The following MAGI1 variants were observed in gnomAD, a reference collection of about 807,000 sequenced individuals.
MAGI1 encodes membrane-associated guanylate kinase, WW and PDZ domain-containing protein 1.
Under a neutral mutation model 139.9 loss-of-function variants are expected in MAGI1, and 58 were observed. The observed-to-expected ratio is 0.41, with a 90% CI of 0.34 to 0.52. MAGI1 has a LOEUF of 0.52. MAGI1 is among the 20% of genes least tolerant of loss of function. MAGI1 has a pLI of 0.12. For missense variants in MAGI1, 1,874 were observed against 1,901.6 expected, an observed-to-expected ratio of 0.99 and a Z score of 0.27; for synonymous variants, 812 against 737.9, an observed-to-expected ratio of 1.10 and a Z score of -1.63.
At chr3:65,492,880 G>A (rs181127471) in intron 3 of MAGI1, among the ~76,000 whole-genome samples, 2 of 151,746 alleles carry the variant, frequency 1.3e-5, no homozygotes, top group Non-Finnish European at 2.9e-5. Flanking sequence ...AGATCGAGAC[G>A]ATCCTGGCTA....
chr3:66,027,100 T>C (rs1389928968), intron 1 of MAGI1, among the ~76,000 whole-genome samples: 3 of 151,636 alleles, frequency 2.0e-5, no homozygotes, highest in African/African-American at 7.3e-5. Flanking sequence ...AAACCCCATC[T>C]CTACTAAAAA....
chr3:65,682,887 G>C (rs1433205888), intron 1 of MAGI1, among the ~76,000 whole-genome samples: 2 of 152,116 alleles, frequency 1.3e-5, no homozygotes, highest in Non-Finnish European at 2.9e-5. Context: ...CCAGGGACCG[G>C]TTTCATGGAA....
In MAGI1 at chr3:65,478,651, A is replaced by G. The variant is rs1161599865; in HGVS notation, c.698T>C (p.Ile233Thr). The change falls in exon 4 of 23, where the codon ATA (isoleucine) becomes ACA (threonine). Residue 233 changes from isoleucine (I) to threonine (T), a missense_variant. By Grantham distance (89) the Ile-to-Thr change is moderately conservative. Transcript: ENST00000402939. ...CTCCTCCTCATTCTCCGCGTGGACT[A>G]TGCCAGCATTTTGCATATCATTGTA... Reference protein sequence around the residue: ...KSYNDMQNAGIVHAENEEEDD... With the variant: ...KSYNDMQNAGTVHAENEEEDD... 1 of 1,614,096 alleles carries G rather than the reference A, an allele frequency of 6.2e-7. No homozygotes were observed. Among genetic ancestry groups the G allele is most frequent in the Non-Finnish European group, 8.5e-7 (1 of 1,179,984 alleles).
intron 1 of MAGI1, among the ~76,000 whole-genome samples, chr3:65,719,342 A>AT (rs1390460970): frequency 6.6e-6 from 1 of 151,598 alleles, no homozygotes; most frequent in East Asian, 1.9e-4. Context: ...CCATATATAC[A>AT]TTTTTGTAGA....
At chr3:65,957,280 T>C (rs919935526) in intron 1 of MAGI1, among the ~76,000 whole-genome samples, 5 of 146,242 alleles carry the variant, frequency 3.4e-5, no homozygotes, top group Non-Finnish European at 5.9e-5. Flanking sequence ...TTGGGAGGCG[T>C]CGATGGGTAG....
At chr3:65,696,298 C>A (rs2089180952) in intron 1 of MAGI1, among the ~76,000 whole-genome samples, 1 of 152,126 alleles carries the variant, frequency 6.6e-6, no homozygotes, top group East Asian at 1.9e-4. Context: ...CAGCTTTAGT[C>A]TTCTTTATAA....
At chr3:65,633,924 T>C (rs1490587343) in intron 1 of MAGI1, among the ~76,000 whole-genome samples, 1 of 152,338 alleles carries the variant, frequency 6.6e-6, no homozygotes, top group East Asian at 1.9e-4. Flanking sequence ...CGGGTGTCTG[T>C]GCCCTTTGAG....
Position 65,375,758 on chromosome 3 carries a change from G to C in MAGI1, c.3183C>G (p.Ile1061Met). ...GGTATACTTTACCATCCCCAGGAATGATGCGGAGGGTAACTGTGTTTCCCG... is the reference window on the plus strand; with the variant it reads ...GGTATACTTTACCATCCCCAGGAATCATGCGGAGGGTAACTGTGTTTCCCG... ...KEAGNTVTLR[I>M]IPGDESSNAT... The change falls in exon 18 of 23, where the codon ATC (isoleucine) becomes ATG (methionine). Residue 1061 changes from isoleucine (I) to methionine (M), a missense_variant. This residue lies in a region of MAGI1 where 653 missense variants were observed against 644.5 expected (regional missense o/e 1.01). Coordinates refer to ENST00000402939, the MANE Select transcript of MAGI1 (RefSeq NM_001033057.2). The C allele has an allele frequency of 6.2e-7, 1 of 1,612,254 alleles. No homozygotes were observed. Among genetic ancestry groups the C allele is most frequent in the Non-Finnish European group, 8.5e-7 (1 of 1,178,328 alleles).
chr3:65,470,169 C>A, intron 5 of MAGI1, 114 bp downstream of exon 5: 1 of 642,716 alleles, frequency 1.6e-6, no homozygotes, highest in Non-Finnish European at 2.6e-6. Context: ...TAAAAAATAC[C>A]ATCAGTGGGT....
At chr3:65,503,190 T>C (rs576219446) in intron 2 of MAGI1, among the ~76,000 whole-genome samples, 2 of 152,278 alleles carry the variant, frequency 1.3e-5, no homozygotes, top group South Asian at 2.1e-4. Context: ...TGATGCCTCA[T>C]TGTAAATGAG....
intron 1 of MAGI1, among the ~76,000 whole-genome samples, chr3:65,917,670 G>A (rs1294762594): frequency 6.6e-6 from 1 of 152,196 alleles, no homozygotes. Context: ...ATAGTGCTAA[G>A]TGAAAGAAGC....
chr3:65,694,454 A>C (rs2088965910), intron 1 of MAGI1, among the ~76,000 whole-genome samples: 1 of 152,116 alleles, frequency 6.6e-6, no homozygotes, highest in South Asian at 2.1e-4. Context: ...AAAAAATATG[A>C]AGTGTTCTCA....
intron 1 of MAGI1, among the ~76,000 whole-genome samples, chr3:66,030,023 A>T (rs1224488589): frequency 1.3e-5 from 2 of 152,110 alleles, no homozygotes; most frequent in Non-Finnish European, 2.9e-5. Context: ...GGGAAACCTA[A>T]AATTGGAAAT....
At chr3:65,474,069 C>T (rs1950718552) in intron 4 of MAGI1, among the ~76,000 whole-genome samples, 1 of 152,068 alleles carries the variant, frequency 6.6e-6, no homozygotes, top group African/African-American at 2.4e-5. Context: ...AGTTAGACAC[C>T]AGTCTAGGCA....
chr3:65,474,612 T>TACACACACACAC (rs60798256), intron 4 of MAGI1, among the ~76,000 whole-genome samples: 7 of 150,754 alleles, frequency 4.6e-5, no homozygotes, highest in South Asian at 2.1e-4. Flanking sequence ...CAAGCTTTTA[T>TACACACACACAC]ACACACACAC....
intron 2 of MAGI1, among the ~76,000 whole-genome samples, chr3:65,521,863 T>G (rs1439608678): frequency 6.6e-6 from 1 of 152,216 alleles, no homozygotes; most frequent in East Asian, 1.9e-4. Flanking sequence ...TATTTTAAAT[T>G]ATAATGGTGA....
At chr3:65,409,974 G>A (rs1945654275) in intron 12 of MAGI1, among the ~76,000 whole-genome samples, 1 of 152,210 alleles carries the variant, frequency 6.6e-6, no homozygotes, top group African/African-American at 2.4e-5. Flanking sequence ...TAATAAATAT[G>A]TCCCAGTAGA....
chr3:65,511,743 C>G (rs2077606852), intron 2 of MAGI1, among the ~76,000 whole-genome samples: 1 of 149,876 alleles, frequency 6.7e-6, no homozygotes, highest in South Asian at 2.1e-4. Context: ...TTAGACAGAT[C>G]AACGACACAG....
chr3:65,548,511 CTTTTTTTTTTTTTTTTTT>C (rs1170215972), intron 2 of MAGI1, among the ~76,000 whole-genome samples: 6 of 87,386 alleles, frequency 6.9e-5, no homozygotes, highest in Non-Finnish European at 1.3e-4. Context: ...AAACAACACT[CTTTTTTTTTTTTTTTTTT>C]TTTTTTTTTT....
Sources: allele counts gnomAD v4.1 joint callset (sites outside exome capture counted in the v4.1 genomes callset), GRCh38; gene constraint gnomAD v4.1.1; regional missense constraint gnomAD v4.1.1; transcripts MANE v1.5; gene names NCBI Gene and HGNC (gene_info 2026-07-23, HGNC 2026-07-21).